Variants in MORN1 observed in about 807,000 individuals in gnomAD.
MORN1 encodes MORN repeat-containing protein 1.
A neutral mutation model predicts 61.9 loss-of-function variants in MORN1; 67 were observed. The observed-to-expected ratio is 1.08, with a 90% CI of 0.89 to 1.33. MORN1 has a LOEUF of 1.33. Among genes scored for constraint, MORN1 ranks in the 40% most tolerant of loss-of-function variants. MORN1 has a pLI of 0.00. For synonymous variants in MORN1, 301 were observed against 292.0 expected (o/e 1.03, Z -0.31); for missense variants, 752 against 691.2 (o/e 1.09, Z -0.99).
chr1:2,335,715 G>A (rs908189415), intron 12 of MORN1, among the ~76,000 whole-genome samples: 3 of 152,144 alleles, frequency 2.0e-5, no homozygotes, highest in African/African-American at 7.2e-5. Context: ...GGAGCGGGGC[G>A]GGTGCTGGTC....
chr1:2,323,168 G>A, intron 13 of MORN1: 15 of 985,406 alleles, frequency 1.5e-5, no homozygotes, highest in Non-Finnish European at 1.8e-5. Context: ...GATGGTGTGA[G>A]GGCTGCTGTG....
intron 10 of MORN1, chr1:2,352,339 C>T (rs1352766794): frequency 6.2e-6 from 1 of 160,932 alleles, no homozygotes; most frequent in African/African-American, 2.4e-5. Flanking sequence ...GAATAGGCAA[C>T]AGGAACTGGG....
At chr1:2,336,343 T>C (rs1641275834) in intron 12 of MORN1, 126 bp downstream of exon 12, 2 of 927,094 alleles carry the variant, frequency 2.2e-6, no homozygotes, top group African/African-American at 3.3e-5. Context: ...GAGGCCCGTG[T>C]AGGCTCACTG....
intron 8 of MORN1, among the ~76,000 whole-genome samples, chr1:2,361,282 C>T (rs1200174968): frequency 5.3e-5 from 8 of 151,892 alleles, no homozygotes; most frequent in Non-Finnish European, 8.8e-5. Flanking sequence ...AAGAGCCGGG[C>T]GCAGTGACTC....
rs1570020694 is a variant in MORN1 at position 2,374,354 on chromosome 1, C to T, written c.634+107G>A. ...GTTTTATATTCCACTTTGCCCCACC[C>T]CTCCCCAGTGTGCTCTTGGTCAGTG... On this transcript the variant is annotated intron_variant, in intron 7 of 13. Coordinates refer to ENST00000378531, the MANE Select transcript of MORN1 (RefSeq NM_024848.3). The T allele has an allele frequency of 3.3e-5, 30 of 915,104 alleles. No homozygotes were observed. In the East Asian group the frequency reaches 8.0e-4, roughly 25 times the overall value. 56.7% of individuals were successfully genotyped at this position (915,104 alleles called of 1,614,324 possible).
At chr1:2,371,431 G>C (rs890283911) in intron 8 of MORN1, 1 of 152,170 alleles carries the variant, frequency 6.6e-6, no homozygotes, top group Admixed American at 6.5e-5. Context: ...GCCACTCATC[G>C]TCATCACTCG....
intron 10 of MORN1, among the ~76,000 whole-genome samples, chr1:2,349,038 G>T (rs1188086091): frequency 6.6e-6 from 1 of 152,190 alleles, no homozygotes; most frequent in African/African-American, 2.4e-5. Context: ...ACACCCCATG[G>T]ATGCTGCCTC....
chr1:2,337,805 C>T lies in MORN1; in HGVS notation c.1037-955G>A, dbSNP rs909049137. 2.0e-5 allele frequency among the ~76,000 whole-genome samples: 3 copies of T among 152,170 alleles called. No individual in the cohort carries two copies. The highest frequency in any genetic ancestry group is 4.8e-5 in the African/African-American group (2 of 41,534). On this transcript the variant is annotated intron_variant, in intron 10 of 13. Transcript: ENST00000378531. This position sits in a 1 kb window ranked among gnomAD's most constrained non-coding sequence, Gnocchi z 5.7. ...GAGGTCGGCACCAGAGCTGGCTGGA[C>T]AGGGGAGTTCTGAGAGGGAGGCAGG...
intron 10 of MORN1, among the ~76,000 whole-genome samples, chr1:2,347,927 T>C (rs1641550930): frequency 6.6e-6 from 1 of 152,218 alleles, no homozygotes; most frequent in Non-Finnish European, 1.5e-5. Flanking sequence ...TGCTCCTCAC[T>C]CCACATCCTC....
chr1:2,324,987 G>C (rs946216189), intron 12 of MORN1, among the ~76,000 whole-genome samples: 3 of 151,620 alleles, frequency 2.0e-5, no homozygotes, highest in African/African-American at 2.4e-5. Flanking sequence ...GGCCCGGCAG[G>C]TGCCTCCGAT....
At position 2,391,488 on chromosome 1, in the gene MORN1, G is replaced by A. The variant is rs1184944595; in HGVS notation, c.46C>T (p.Arg16Trp). The A allele has an allele frequency of 8.0e-6, 10 of 1,252,722 alleles. No individual in the cohort carries two copies. The East Asian group carries it at 3.2e-4, about 39-fold the overall frequency. 77.6% of individuals were successfully genotyped at this position (1,252,722 alleles called of 1,614,324 possible). Reference protein sequence around the residue: ...EGTPSSRGPRRDPPRRPPRNG... With the variant: ...EGTPSSRGPRWDPPRRPPRNG... ...CGGGGCGGCCGCCTAGGCGGGTCCC[G>A]ACGCGGCCCGCGGGAGCTCGGGGTG... Residue 16 changes from arginine to tryptophan, a missense_variant, in exon 1 of 14, where the codon CGG (arginine) becomes TGG (tryptophan). Coordinates refer to ENST00000378531, the MANE Select transcript of MORN1 (RefSeq NM_024848.3).
chr1:2,323,471 T>A lies in MORN1; in HGVS notation c.1297+626A>T, dbSNP rs2645075. The A allele has an allele frequency of 8.1e-6, 8 of 985,198 alleles. No homozygotes were observed. In the South Asian group the frequency reaches 3.3e-4, roughly 40 times the overall value. 61.0% of individuals were successfully genotyped at this position (985,198 alleles called of 1,614,324 possible). The stretch of plus-strand genomic sequence containing the variant: ...CCGTCAGGCAGCCAGTCAGCCGCGG[T>A]GCCCAGGTCCTGCTAGGGGTCCGAG... On this transcript the variant is annotated intron_variant, in intron 13 of 13. Coordinates refer to ENST00000378531, the MANE Select transcript of MORN1 (RefSeq NM_024848.3).
At chr1:2,367,603 A>G (rs1267581432) in intron 8 of MORN1, among the ~76,000 whole-genome samples, 2 of 152,194 alleles carry the variant, frequency 1.3e-5, no homozygotes, top group African/African-American at 4.8e-5. Flanking sequence ...AAAGATTAAT[A>G]CCGAACGGTT....
At chr1:2,388,922 G>A (rs927560664) in intron 2 of MORN1, among the ~76,000 whole-genome samples, 2 of 151,944 alleles carry the variant, frequency 1.3e-5, no homozygotes, top group Non-Finnish European at 2.9e-5. Flanking sequence ...GACCAGCCAG[G>A]CCAACATGGC....
chr1:2,386,430 T>C (rs901144146), intron 4 of MORN1: 6 of 157,602 alleles, frequency 3.8e-5, no homozygotes, highest in South Asian at 3.7e-4. Context: ...GTTTTTTTTG[T>C]TGTCGTTGCT....
chr1:2,327,341 G>A (rs1209377439), intron 12 of MORN1, among the ~76,000 whole-genome samples: 2 of 104,158 alleles, frequency 1.9e-5, no homozygotes, highest in African/African-American at 3.4e-5. Context: ...GAAACACACA[G>A]ACAGAAACAA....
At chr1:2,329,291 A>G (rs913499523) in intron 12 of MORN1, among the ~76,000 whole-genome samples, 2 of 152,198 alleles carry the variant, frequency 1.3e-5, no homozygotes, top group Non-Finnish European at 2.9e-5. Context: ...GCTTTGGTTT[A>G]GTATCCCTGC....
chr1:2,333,423 G>T (rs1641201021), intron 12 of MORN1, among the ~76,000 whole-genome samples: 1 of 152,260 alleles, frequency 6.6e-6, no homozygotes, highest in Admixed American at 6.5e-5. Flanking sequence ...ACAGCTGAGT[G>T]CAGTGAGTGG....
chr1:2,353,614 A>G (rs935985762), intron 10 of MORN1, among the ~76,000 whole-genome samples: 9 of 152,230 alleles, frequency 5.9e-5, no homozygotes, highest in South Asian at 2.1e-4. Context: ...TTGGGGATGA[A>G]TGCTGTCCTG....
Sources: gnomAD v4.1 joint callset for allele counts (sites outside exome capture counted in the v4.1 genomes callset) on GRCh38, gnomAD v4.1.1 for gene constraint, Gnocchi (gnomAD v3.1) non-coding constraint, MANE v1.5 for transcripts, NCBI Gene and HGNC (gene_info 2026-07-23, HGNC 2026-07-21) for gene names.